RALGDS: variants seen among roughly 807,000 people sequenced by gnomAD.
The protein encoded by RALGDS is ral guanine nucleotide dissociation stimulator, also known as ral guanine nucleotide exchange factor.
In RALGDS, 44 loss-of-function variants were observed where a neutral mutation model predicts 99.8. That is an observed-to-expected ratio of 0.44 (90% CI 0.35 to 0.57). RALGDS has a LOEUF of 0.57. RALGDS is among the 20% of genes least tolerant of loss of function. The probability of loss-of-function intolerance (pLI) is 0.01; values close to 1 mark genes in which losing one functional copy is unlikely to be tolerated. For missense variants in RALGDS, 1,022 were observed against 1,203.1 expected, an observed-to-expected ratio of 0.85 and a Z score of 2.23; for synonymous variants, 529 against 505.0, an observed-to-expected ratio of 1.05 and a Z score of -0.64.
intron 4 of RALGDS, 83 bp downstream of exon 4, chr9:133,109,543 C>T: frequency 1.5e-6 from 2 of 1,309,832 alleles, no homozygotes; most frequent in South Asian, 2.4e-5. Flanking sequence ...CCCAGCCAGC[C>T]CCGGCTCCGG....
At chr9:133,107,890 C>T in intron 6 of RALGDS, 98 bp downstream of exon 6, 2 of 1,476,826 alleles carry the variant, frequency 1.4e-6, no homozygotes, top group East Asian at 2.3e-5. Context: ...TGGGATTTGA[C>T]CAGAACATCA....
intron 7 of RALGDS, 121 bp from the exon 8 acceptor site, chr9:133,106,869 G>A: frequency 2.2e-6 from 2 of 929,672 alleles, no homozygotes; most frequent in South Asian, 2.8e-5. Flanking sequence ...TCCCCAGAGG[G>A]CACGCCTGCG....
At position 133,104,254 on chromosome 9, in the gene RALGDS, C is replaced by A. The variant is rs775165593; in HGVS notation, c.1671+9G>T. On this transcript the variant is annotated intron_variant, in intron 10 of 17. Coordinates refer to ENST00000372050, the MANE Select transcript of RALGDS (RefSeq NM_006266.4). ...CCCCCTGCCCCTCCGCGGCCTTGGG[C>A]ACTCTCACCGTCTCCTTCGGCCGTT... 6.2e-7 allele frequency: 1 copy of A among 1,612,226 alleles called. No individual in the cohort carries two copies. The highest frequency in any genetic ancestry group is 2.2e-5 in the East Asian group (1 of 44,892).
At position 133,102,793 on chromosome 9, in the gene RALGDS, G is replaced by T. The variant is rs776272235; in HGVS notation, c.1899C>A (p.Leu633=). ...CCCGGCCTCACCTCTCAGTCTCGCT[G>T]AGCCGCTCCACGGCCCGGAACCAGG... The part of the protein sequence containing the change: ...FGAWFRAVER[L]SETESYNLSC... The change falls in exon 13 of 18, where the codon CTC becomes CTA. Residue 633 remains leucine (L), a synonymous_variant. Transcript: ENST00000372050. The T allele has an allele frequency of 1.2e-6, 2 of 1,612,638 alleles. No individual in the cohort carries two copies. The highest frequency in any genetic ancestry group is 8.5e-7 in the Non-Finnish European group (1 of 1,179,908).
At chr9:133,133,600 A>G (rs1017330882), upstream of RALGDS, among the ~76,000 whole-genome samples, 2 of 152,162 alleles carry the variant, frequency 1.3e-5, no homozygotes, top group African/African-American at 4.8e-5. Context: ...CAGCCTCCCC[A>G]CCGCAACTCT....
In RALGDS at chr9:133,103,771, G is replaced by A. The variant is rs1179163955; in HGVS notation, c.1734C>T (p.Asp578=). Residue 578 remains aspartate (D), a synonymous_variant, in exon 11 of 18, where the codon GAC becomes GAT. Transcript: ENST00000372050. ...CATACAGATAGTCCTTCATGGCAGTGTCCAGCATCACCAGGTCGGTGAGGA... is the reference window on the plus strand; with the variant it reads ...CATACAGATAGTCCTTCATGGCAGTATCCAGCATCACCAGGTCGGTGAGGA... ...GTFLTDLVML[D]TAMKDYLYGR... is the part of the protein sequence containing the mutation. The A allele has an allele frequency of 6.2e-7, 1 of 1,613,326 alleles. No individual in the cohort carries two copies.
upstream of RALGDS, among the ~76,000 whole-genome samples, chr9:133,124,238 A>G (rs1832077145): frequency 6.6e-6 from 1 of 151,632 alleles, no homozygotes; most frequent in Non-Finnish European, 1.5e-5. Flanking sequence ...ACACACACAC[A>G]TAGAGACAGA....
chr9:133,101,200 T>C, intron 16 of RALGDS: 1 of 1,233,716 alleles, frequency 8.1e-7, no homozygotes, highest in Non-Finnish European at 1.0e-6. Context: ...TGCTCCTGTC[T>C]TCCTCCCCGA....
chr9:133,104,062 C>T (rs1244412187), intron 10 of RALGDS, among the ~76,000 whole-genome samples: 1 of 152,196 alleles, frequency 6.6e-6, no homozygotes, highest in African/African-American at 2.4e-5. Flanking sequence ...CCACACCCGC[C>T]TGAGCCGGCT....
At chr9:133,122,075 C>T (rs1050478658), upstream of RALGDS, among the ~76,000 whole-genome samples, 35 of 152,196 alleles carry the variant, frequency 2.3e-4, no homozygotes, top group African/African-American at 7.5e-4. Flanking sequence ...AGAGTGACAA[C>T]GCTGGGCAGA....
At chr9:133,134,671 G>A (rs929906459), upstream of RALGDS, among the ~76,000 whole-genome samples, 5 of 152,192 alleles carry the variant, frequency 3.3e-5, no homozygotes, top group Non-Finnish European at 7.3e-5. Context: ...CCTGGGGTGG[G>A]TGGTCTGTCC....
At chr9:133,147,001 A>G (rs771481065) in intron 1 of RALGDS, among the ~76,000 whole-genome samples, 10 of 152,220 alleles carry the variant, frequency 6.6e-5, no homozygotes, top group Non-Finnish European at 1.2e-4. Context: ...GCTGCCCTGG[A>G]TCTGGGTCCA....
In RALGDS at chr9:133,102,555, C is replaced by T. The variant is rs138943401; in HGVS notation, c.1930G>A (p.Glu644Lys). 2.9e-4 allele frequency: 468 copies of T among 1,614,028 alleles called. 1 individual carries two copies. Among genetic ancestry groups the T allele is most frequent in the Non-Finnish European group, 3.1e-4 (369 of 1,180,020 alleles). Residue 644 changes from glutamate to lysine, a missense_variant, in exon 14 of 18, where the codon GAG becomes AAG. Glu to Lys is a moderately conservative substitution (Grantham distance 56). This residue lies in a region of RALGDS where 825 missense variants were observed against 994.5 expected (regional missense o/e 0.83). Coordinates refer to ENST00000372050, the MANE Select transcript of RALGDS (RefSeq NM_006266.4). ...SETESYNLSC[E>K]LEPPSESASN... Reference sequence around the variant, plus strand: ...GCTGACTCGGATGGGGGCTCCAGCTCGCACGACAGGTTGTAGCTATGAGCA... The same window carrying T: ...GCTGACTCGGATGGGGGCTCCAGCTTGCACGACAGGTTGTAGCTATGAGCA...
chr9:133,127,523 C>T (rs1832198179), intron 1 of RALGDS, among the ~76,000 whole-genome samples: 1 of 152,240 alleles, frequency 6.6e-6, no homozygotes, highest in African/African-American at 2.4e-5. Flanking sequence ...GCTCCTTGGT[C>T]ATTTCCCAAC....
chr9:133,106,616 A>T, intron 8 of RALGDS, 29 bp downstream of exon 8: 1 of 1,529,494 alleles, frequency 6.5e-7, no homozygotes, highest in East Asian at 2.3e-5. Context: ...TCCCTGGTGC[A>T]CCAGGAGCTC....
At chr9:133,129,246 CAAAG>C in intron 1 of RALGDS, 1 of 1,597,042 alleles carries the variant, frequency 6.3e-7, no homozygotes. Flanking sequence ...GAGACACAGG[CAAAG>C]AACACAGAGC....
In RALGDS at chr9:133,107,272, T is replaced by G. The variant is rs777524743; in HGVS notation, c.1226A>C (p.His409Pro). 3.1e-6 allele frequency: 5 copies of G among 1,613,586 alleles called. No homozygotes were observed. The highest frequency in any genetic ancestry group is 4.2e-6 in the Non-Finnish European group (5 of 1,179,994). The change falls in exon 7 of 18, where the codon CAC becomes CCC. Residue 409 changes from histidine (H) to proline (P), a missense_variant. Physicochemically the swap from His to Pro is moderately conservative, Grantham distance 77 (BLOSUM62 -2). This residue lies in a region of RALGDS where 825 missense variants were observed against 994.5 expected (regional missense o/e 0.83). Coordinates refer to ENST00000372050, the MANE Select transcript of RALGDS (RefSeq NM_006266.4). The stretch of plus-strand genomic sequence containing the variant: ...CTGGGACCAGATGGAGCCCAGGCAG[T>G]GGTAGGGCACCACCTTCTTGAACAG... ...AELFKKVVPY[H>P]CLGSIWSQRD...
chr9:133,101,054 G>A (rs775829867), intron 16 of RALGDS: 46 of 1,075,762 alleles, frequency 4.3e-5, no homozygotes, highest in Non-Finnish European at 5.2e-5. Context: ...CCCATCTGCT[G>A]TCTCCAAATC....
intron 1 of RALGDS, 132 bp from the exon 2 acceptor site, chr9:133,112,284 G>C (rs62576827): frequency 1.5e-6 from 1 of 688,602 alleles, no homozygotes; most frequent in Non-Finnish European, 2.6e-6. Context: ...CCTACAGCCT[G>C]GGGTGGAATG....
Sources: gnomAD v4.1 joint callset for allele counts (sites outside exome capture counted in the v4.1 genomes callset) on GRCh38, gnomAD v4.1.1 for gene constraint, gnomAD v4.1.1 regional missense constraint, MANE v1.5 for transcripts, NCBI Gene and HGNC (gene_info 2026-07-23, HGNC 2026-07-21) for gene names.